Variants in CACNA1E observed in about 807,000 individuals in gnomAD.
CACNA1E encodes the protein voltage-dependent R-type calcium channel subunit alpha-1E.
In CACNA1E, 40 loss-of-function variants were observed where a neutral mutation model predicts 259.2. That is an observed-to-expected ratio of 0.15 (90% CI 0.12 to 0.20). The LOEUF (loss-of-function observed/expected upper bound fraction) is 0.20. Among genes scored for constraint, CACNA1E ranks in the 10% least tolerant of loss-of-function variants. CACNA1E has a pLI of 1.00. For missense variants in CACNA1E, 1,874 were observed against 3,040.1 expected (o/e 0.62, Z 9.02); for synonymous variants, 1,104 against 1,138.5 (o/e 0.97, Z 0.61).
chr1:181,350,076 AG>A (rs1003279828), intron 1 of CACNA1E, among the ~76,000 whole-genome samples: 2 of 152,082 alleles, frequency 1.3e-5, no homozygotes, highest in African/African-American at 4.8e-5. Flanking sequence ...GCTGCCTTGG[AG>A]CTGCTTGTGT....
intron 6 of CACNA1E, among the ~76,000 whole-genome samples, chr1:181,581,331 A>G (rs1651521241): frequency 1.3e-5 from 2 of 152,330 alleles, no homozygotes; most frequent in South Asian, 2.1e-4. Flanking sequence ...TGATTCTCAT[A>G]TGTAGCCACT....
intron 25 of CACNA1E, among the ~76,000 whole-genome samples, chr1:181,750,186 A>G (rs1446095340): frequency 6.6e-6 from 1 of 152,286 alleles, no homozygotes; most frequent in Non-Finnish European, 1.5e-5. Flanking sequence ...CCAGAAGTCT[A>G]TGTAGAATTG....
chr1:181,710,987 C>T lies in CACNA1E; in HGVS notation c.1089C>T (p.Asn363=), dbSNP rs374190474. The T allele has an allele frequency of 1.7e-5, 27 of 1,613,732 alleles. No homozygotes were observed. The highest frequency in any genetic ancestry group is 2.1e-5 in the Non-Finnish European group (25 of 1,179,796). Residue 363 remains asparagine (N), a synonymous_variant, in exon 8 of 48, where the codon AAC becomes AAT. Coordinates refer to ENST00000367573, the MANE Select transcript of CACNA1E (RefSeq NM_001205293.3). ...EFAKERERVE[N]RRAFMKLRRQ... Reference sequence around the variant, plus strand: ...CCAAAGAGAGAGAGAGAGTGGAGAACCGAAGGGCTTTCATGAAGCTGCGGC... The same window carrying T: ...CCAAAGAGAGAGAGAGAGTGGAGAATCGAAGGGCTTTCATGAAGCTGCGGC...
At chr1:181,539,129 T>C (rs1199561809) in intron 3 of CACNA1E, among the ~76,000 whole-genome samples, 1 of 152,220 alleles carries the variant, frequency 6.6e-6, no homozygotes, top group African/African-American at 2.4e-5. Flanking sequence ...CTCTGGCTGG[T>C]ATCTATTCAG....
Position 181,710,989 on chromosome 1 carries a change from G to A in CACNA1E, c.1091G>A (p.Arg364Gln), listed in dbSNP as rs1247888338. 2.5e-6 allele frequency: 4 copies of A among 1,613,838 alleles called. No individual in the cohort carries two copies. Among genetic ancestry groups the A allele is most frequent in the Admixed American group, 1.7e-5 (1 of 60,020 alleles). The stretch of plus-strand genomic sequence containing the variant: ...AAAGAGAGAGAGAGAGTGGAGAACC[G>A]AAGGGCTTTCATGAAGCTGCGGCGC... ...FAKERERVENRRAFMKLRRQQ... is the reference protein window; with the variant it reads ...FAKERERVENQRAFMKLRRQQ... The change falls in exon 8 of 48, where the codon CGA becomes CAA. Residue 364 changes from arginine to glutamine, a missense_variant. By Grantham distance (43) the Arg-to-Gln change is conservative. This residue lies in a region of CACNA1E where 157 missense variants were observed against 203.5 expected (regional missense o/e 0.77). Coordinates refer to ENST00000367573, the MANE Select transcript of CACNA1E (RefSeq NM_001205293.3).
At chr1:181,353,825 C>G (rs1270301966) in intron 1 of CACNA1E, among the ~76,000 whole-genome samples, 1 of 152,138 alleles carries the variant, frequency 6.6e-6, no homozygotes, top group African/African-American at 2.4e-5. Flanking sequence ...GGCTACCACA[C>G]TGAGGAAGGA....
At chr1:181,511,294 G>A (rs1179162329) in intron 2 of CACNA1E, 77 bp from the exon 3 acceptor site, 4 of 1,544,730 alleles carry the variant, frequency 2.6e-6, no homozygotes, top group African/African-American at 1.4e-5. Context: ...TCCAGGAAGG[G>A]CCAGGCTGTG....
chr1:181,716,656 C>T (rs74127828), intron 10 of CACNA1E, among the ~76,000 whole-genome samples: 4,831 of 152,240 alleles, frequency 0.032, 294 homozygotes, highest in African/African-American at 0.11. Context: ...TTTTTCCTCC[C>T]CAGAAAAAGG....
At chr1:181,538,445 G>C (rs1044691515) in intron 3 of CACNA1E, among the ~76,000 whole-genome samples, 1 of 152,174 alleles carries the variant, frequency 6.6e-6, no homozygotes, top group African/African-American at 2.4e-5. Context: ...CTGGCACAGA[G>C]CAGGTGTTCA....
intron 2 of CACNA1E, among the ~76,000 whole-genome samples, chr1:181,477,850 A>G (rs1176080973): frequency 1.3e-5 from 2 of 152,236 alleles, no homozygotes; most frequent in Admixed American, 6.5e-5. Context: ...CTTTATGCAT[A>G]TAAACTAACT....
chr1:181,475,722 A>C (rs562726734), intron 2 of CACNA1E, among the ~76,000 whole-genome samples: 1 of 152,314 alleles, frequency 6.6e-6, no homozygotes, highest in Admixed American at 6.5e-5. Flanking sequence ...ACAATGTAAC[A>C]TGCATAGCAA....
At chr1:181,775,103 CA>C (rs1334634856) in intron 37 of CACNA1E, among the ~76,000 whole-genome samples, 2 of 152,196 alleles carry the variant, frequency 1.3e-5, no homozygotes, top group East Asian at 1.9e-4. Context: ...CGCACATTTT[CA>C]CACATTTAAG....
chr1:181,623,374 CAG>C (rs1180508447), intron 6 of CACNA1E, among the ~76,000 whole-genome samples: 2 of 152,250 alleles, frequency 1.3e-5, no homozygotes, highest in East Asian at 1.9e-4. Flanking sequence ...TGGAATTTAA[CAG>C]AGAGTAGGCA....
intron 3 of CACNA1E, among the ~76,000 whole-genome samples, chr1:181,575,210 G>A (rs1223655541): frequency 6.6e-6 from 1 of 152,134 alleles, no homozygotes; most frequent in African/African-American, 2.4e-5. Flanking sequence ...AGAACACTTG[G>A]AGGCCCAGGA....
intron 2 of CACNA1E, among the ~76,000 whole-genome samples, chr1:181,456,204 G>GA: frequency 1.3e-5 from 2 of 152,290 alleles, no homozygotes. Flanking sequence ...GGAGGAAACT[G>GA]AAAAGAGTTC....
chr1:181,423,870 T>C (rs938933693), intron 2 of CACNA1E, among the ~76,000 whole-genome samples: 1 of 152,144 alleles, frequency 6.6e-6, no homozygotes, highest in African/African-American at 2.4e-5. Flanking sequence ...CTTTGTTGAA[T>C]TATCGGATAT....
chr1:181,737,740 C>A (rs1263549796), intron 23 of CACNA1E, 86 bp downstream of exon 23: 2 of 1,522,498 alleles, frequency 1.3e-6, no homozygotes, highest in Non-Finnish European at 1.8e-6. Flanking sequence ...GAGATGGTAG[C>A]AAGGTTTCTG....
intron 18 of CACNA1E, among the ~76,000 whole-genome samples, chr1:181,727,575 G>A (rs562330305): frequency 6.6e-6 from 1 of 152,368 alleles, no homozygotes; most frequent in East Asian, 1.9e-4. Context: ...ATCTAGCCTG[G>A]ACCTGTGGTA....
intron 6 of CACNA1E, among the ~76,000 whole-genome samples, chr1:181,621,443 C>T (rs1655710161): frequency 6.6e-6 from 1 of 152,166 alleles, no homozygotes; most frequent in African/African-American, 2.4e-5. Context: ...TTCAAACATA[C>T]AGAGTCGACT....
Sources: gnomAD v4.1 joint callset for allele counts (sites outside exome capture counted in the v4.1 genomes callset) on GRCh38, gnomAD v4.1.1 for gene constraint, gnomAD v4.1.1 regional missense constraint, MANE v1.5 for transcripts, NCBI Gene and HGNC (gene_info 2026-07-23, HGNC 2026-07-21) for gene names.